The following ANKRD36C variants were observed in gnomAD, a reference collection of about 807,000 sequenced individuals.
The protein encoded by ANKRD36C is ankyrin repeat domain 36C.
In ANKRD36C, 61 loss-of-function variants were observed where a neutral mutation model predicts 276.4. The observed-to-expected ratio is 0.22, with a 90% CI of 0.18 to 0.27. The LOEUF is 0.27. Among genes scored for constraint, ANKRD36C ranks in the 10% least tolerant of loss-of-function variants. The pLI is 1.00. For synonymous variants in ANKRD36C, 483 were observed against 680.1 expected (o/e 0.71, Z 4.51); for missense variants, 1,447 against 2,032.3 (o/e 0.71, Z 5.54).
chr2:95,902,860 G>A, intron 42 of ANKRD36C, 26 bp downstream of exon 54: 1 of 1,546,834 alleles, frequency 6.5e-7, no homozygotes, highest in Admixed American at 1.9e-5. Context: ...GACTGAACAT[G>A]ACATTAAATC....
intron 52 of ANKRD36C, among the ~76,000 whole-genome samples, chr2:95,885,784 T>A (rs915514411): frequency 6.6e-6 from 1 of 151,800 alleles, no homozygotes; most frequent in African/African-American, 2.4e-5. Context: ...AATGATGCTG[T>A]CCCCTGAGGC....
chr2:95,961,802 T>C (rs1003623287), intron 8 of ANKRD36C, among the ~76,000 whole-genome samples: 11 of 152,054 alleles, frequency 7.2e-5, no homozygotes, highest in Non-Finnish European at 1.6e-4. Flanking sequence ...ATATTCCAAA[T>C]GCATCTGAAG....
chr2:95,911,539 A>G (rs529136663), intron 42 of ANKRD36C, among the ~76,000 whole-genome samples: 3 of 151,520 alleles, frequency 2.0e-5, no homozygotes, highest in African/African-American at 7.3e-5. Context: ...TCTCATTTCT[A>G]TAACTAAAAT....
intron 30 of ANKRD36C, among the ~76,000 whole-genome samples, chr2:95,924,975 C>T (rs188416825): frequency 1.4e-4 from 21 of 151,694 alleles, no homozygotes; most frequent in Admixed American, 1.2e-3. Context: ...TAACAATTTC[C>T]TCCCTCTGGT....
chr2:95,884,240 T>C (rs1308419590), exon 54 of ANKRD36C: 1 of 1,609,876 alleles, frequency 6.2e-7, no homozygotes, highest in Admixed American at 1.7e-5. Flanking sequence ...TCTCATCACC[T>C]GTAGCCTGAA....
intron 6 of ANKRD36C, among the ~76,000 whole-genome samples, chr2:95,967,377 A>C (rs1379663886): frequency 6.6e-6 from 1 of 152,214 alleles, no homozygotes; most frequent in African/African-American, 2.4e-5. Flanking sequence ...GCCAAGAAAC[A>C]TCTGAAAAAA....
chr2:95,885,398 A>G (rs1266842022), intron 52 of ANKRD36C, among the ~76,000 whole-genome samples: 1 of 151,834 alleles, frequency 6.6e-6, no homozygotes, highest in Non-Finnish European at 1.5e-5. Context: ...AGGAGTAACG[A>G]GTCAGTGTGC....
intron 3 of ANKRD36C, among the ~76,000 whole-genome samples, chr2:95,983,682 C>T (rs1678969517): frequency 6.6e-6 from 1 of 151,808 alleles, no homozygotes; most frequent in Non-Finnish European, 1.5e-5. Flanking sequence ...GCCATCTCGG[C>T]TCACTGCAAC....
intron 59 of ANKRD36C, among the ~76,000 whole-genome samples, chr2:95,869,085 T>C (rs2104290993): frequency 6.6e-6 from 1 of 152,206 alleles, no homozygotes; most frequent in Admixed American, 6.5e-5. Flanking sequence ...ATGTCTTTTC[T>C]GTCAGAGTAC....
exon 42 of ANKRD36C, chr2:95,912,277 T>G (rs1371857862): frequency 1.3e-6 from 2 of 1,559,974 alleles, no homozygotes; most frequent in Admixed American, 3.8e-5. Flanking sequence ...TTTTTTTCTC[T>G]GGTTATATTC....
rs186871603 is a variant in ANKRD36C at position 95,916,963 on chromosome 2, T to C, written c.2348-792A>G. 2.0e-5 allele frequency among the ~76,000 whole-genome samples: 3 copies of C among 151,778 alleles called. No homozygotes were observed. The East Asian group carries it at 5.9e-4, about 30-fold the overall frequency. The stretch of plus-strand genomic sequence containing the variant: ...ATTCAGAAATCACTGCAATATTCAT[T>C]GAAAATGACCATTTTAGGAGTTAAT... On this transcript the variant is annotated intron_variant, in intron 36 of 66. Transcript: ENST00000456556.
At chr2:95,884,956 G>T in intron 52 of ANKRD36C, among the ~76,000 whole-genome samples, 1 of 151,890 alleles carries the variant, frequency 6.6e-6, no homozygotes, top group Admixed American at 6.6e-5. Context: ...ACACCCACGT[G>T]GTGTAATAAT....
chr2:95,910,297 C>G (rs909106815), intron 42 of ANKRD36C, 76 bp downstream of exon 46: 1 of 1,440,438 alleles, frequency 6.9e-7, no homozygotes, highest in Non-Finnish European at 9.3e-7. Flanking sequence ...GACGAGCCAC[C>G]CGCTGCTTTA....
intron 1 of ANKRD36C, among the ~76,000 whole-genome samples, chr2:95,988,301 G>T (rs1679074192): frequency 6.6e-6 from 1 of 151,530 alleles, no homozygotes; most frequent in Non-Finnish European, 1.5e-5. Context: ...TTAGGTATTT[G>T]CAATGATTAA....
intron 6 of ANKRD36C, among the ~76,000 whole-genome samples, chr2:95,964,893 G>T (rs1234184150): frequency 1.3e-5 from 2 of 151,920 alleles, no homozygotes; most frequent in Admixed American, 1.3e-4. Context: ...AAACCACTAT[G>T]TCTATGCCTT....
At chr2:95,944,718 G>A (rs1313128375) in intron 18 of ANKRD36C, 24 bp from the exon 19 acceptor site, 33 of 1,535,266 alleles carry the variant, frequency 2.1e-5, no homozygotes, top group Non-Finnish European at 2.6e-5. Flanking sequence ...AAAGTCAAGA[G>A]TAGATGAAAT....
intron 44 of ANKRD36C, among the ~76,000 whole-genome samples, chr2:95,896,322 C>G (rs577153926): frequency 1.9e-4 from 28 of 149,220 alleles, no homozygotes; most frequent in East Asian, 1.2e-3. Flanking sequence ...TCTACAAAGT[C>G]AAATGGCTAC....
chr2:95,891,500 G>C (rs1676356626), intron 46 of ANKRD36C, among the ~76,000 whole-genome samples, 165 bp downstream of exon 66: 1 of 150,916 alleles, frequency 6.6e-6, no homozygotes, highest in African/African-American at 2.4e-5. Context: ...TCATGTTCCA[G>C]AGCAGCAGCA....
At chr2:95,936,993 C>T (rs555215536) in intron 22 of ANKRD36C, among the ~76,000 whole-genome samples, 14 of 150,822 alleles carry the variant, frequency 9.3e-5, no homozygotes, top group African/African-American at 3.2e-4. Flanking sequence ...TTTATCTTTA[C>T]GGCTTTATTT....
Sources: allele counts gnomAD v4.1 joint callset (sites outside exome capture counted in the v4.1 genomes callset), GRCh38; gene constraint gnomAD v4.1.1; transcripts MANE v1.5; gene names NCBI Gene and HGNC (gene_info 2026-07-23, HGNC 2026-07-21).